The following RPS6KC1 variants were observed in gnomAD, a reference collection of about 807,000 sequenced individuals.
RPS6KC1 encodes the protein ribosomal protein S6 kinase C1, also known as inactive ribosomal protein S6 kinase delta-1.
In RPS6KC1, 54 loss-of-function variants were observed where a neutral mutation model predicts 103.8. The observed-to-expected ratio is 0.52, with a 90% confidence interval of 0.42 to 0.65. The LOEUF (loss-of-function observed/expected upper bound fraction) is 0.65. Among genes scored for constraint, RPS6KC1 ranks in the 30% least tolerant of loss-of-function variants. The pLI is 0.00. For missense variants in RPS6KC1, 1,151 were observed against 1,253.8 expected, an observed-to-expected ratio of 0.92 and a Z score of 1.24; for synonymous variants, 439 against 438.7, an observed-to-expected ratio of 1.00 and a Z score of -0.01.
At chr1:213,125,980 A>G (rs2084947935) in intron 5 of RPS6KC1, 2 of 152,080 alleles carry the variant, frequency 1.3e-5, no homozygotes, top group Non-Finnish European at 2.9e-5. Context: ...ATGAAACAGA[A>G]CAATGTGATA....
the RPS6KC1 span, among the ~76,000 whole-genome samples, chr1:213,857,448 A>G: frequency 6.6e-6 from 1 of 152,200 alleles, no homozygotes; most frequent in African/African-American, 2.4e-5. Flanking sequence ...TCTCAGGGGC[A>G]GCCTTTACTC....
the RPS6KC1 span, among the ~76,000 whole-genome samples, chr1:213,723,030 A>G: frequency 1.1e-3 from 170 of 152,250 alleles, no homozygotes; most frequent in African/African-American, 3.6e-3. Context: ...AATACAAAAA[A>G]TTAGCCAGGC....
At chr1:213,820,283 A>G in the RPS6KC1 span, 1 of 152,222 alleles carries the variant, frequency 6.6e-6, no homozygotes, top group Non-Finnish European at 1.5e-5. Flanking sequence ...CTGCCTTCTT[A>G]TTAGGGAAAG....
At chr1:213,644,860 A>C in the RPS6KC1 span, among the ~76,000 whole-genome samples, 1 of 152,188 alleles carries the variant, frequency 6.6e-6, no homozygotes, top group African/African-American at 2.4e-5. Context: ...CAGAGTTATC[A>C]AACCTTTTGA....
chr1:213,848,676 T>A, the RPS6KC1 span, among the ~76,000 whole-genome samples: 1 of 152,224 alleles, frequency 6.6e-6, no homozygotes, highest in Non-Finnish European at 1.5e-5. Flanking sequence ...TAGATTTGTA[T>A]AAAGTCAAAG....
At chr1:213,344,001 C>A in the RPS6KC1 span, among the ~76,000 whole-genome samples, 1 of 152,056 alleles carries the variant, frequency 6.6e-6, no homozygotes, top group Admixed American at 6.6e-5. Context: ...AGTGTGAGGT[C>A]TAAATAAAAG....
the RPS6KC1 span, among the ~76,000 whole-genome samples, chr1:213,763,920 T>C: frequency 1.3e-5 from 2 of 152,200 alleles, no homozygotes; most frequent in African/African-American, 2.4e-5. Context: ...GACATTTTGC[T>C]CTCCTTGCTG....
chr1:213,843,870 A>ATT, the RPS6KC1 span, among the ~76,000 whole-genome samples: 68 of 151,790 alleles, frequency 4.5e-4, 1 homozygote, highest in African/African-American at 1.6e-3. Context: ...TTTAAATATT[A>ATT]TTTTTTTATG....
intron 3 of RPS6KC1, among the ~76,000 whole-genome samples, chr1:213,094,554 T>C (rs937689548): frequency 1.3e-5 from 2 of 152,236 alleles, no homozygotes; most frequent in Non-Finnish European, 2.9e-5. Context: ...TTCTCATGAA[T>C]AGATCATTGT....
chr1:213,501,633 G>T, the RPS6KC1 span, among the ~76,000 whole-genome samples: 1 of 151,820 alleles, frequency 6.6e-6, no homozygotes, highest in Non-Finnish European at 1.5e-5. Context: ...TATTTGGGAG[G>T]CTGAGGCATG....
the RPS6KC1 span, among the ~76,000 whole-genome samples, chr1:213,610,008 G>T: frequency 2.6e-5 from 4 of 152,042 alleles, no homozygotes; most frequent in Admixed American, 2.6e-4. Flanking sequence ...ATACATACAT[G>T]AACTTTTTCA....
chr1:213,232,620 T>C (rs992142467), intron 10 of RPS6KC1, among the ~76,000 whole-genome samples: 12 of 152,210 alleles, frequency 7.9e-5, no homozygotes, highest in Non-Finnish European at 1.5e-4. Flanking sequence ...ATGACTAAAA[T>C]GAAAAGCATC....
the RPS6KC1 span, among the ~76,000 whole-genome samples, chr1:213,662,653 C>T: frequency 6.6e-6 from 1 of 152,078 alleles, no homozygotes; most frequent in Non-Finnish European, 1.5e-5. Flanking sequence ...CAAGATTCCC[C>T]ACCAAATAGA....
chr1:213,708,119 A>G, the RPS6KC1 span, among the ~76,000 whole-genome samples: 1 of 152,232 alleles, frequency 6.6e-6, no homozygotes, highest in African/African-American at 2.4e-5. Context: ...TGAATTTCTA[A>G]ATTACTTTGG....
the RPS6KC1 span, among the ~76,000 whole-genome samples, chr1:213,701,690 T>G: frequency 3.3e-5 from 5 of 152,076 alleles, no homozygotes; most frequent in African/African-American, 1.2e-4. Flanking sequence ...GTTTTGCAAT[T>G]TGTTAGCATA....
At chr1:213,186,787 G>T (rs2092550348) in intron 8 of RPS6KC1, among the ~76,000 whole-genome samples, 1 of 152,094 alleles carries the variant, frequency 6.6e-6, no homozygotes, top group Non-Finnish European at 1.5e-5. Flanking sequence ...TTCTGATCAT[G>T]TATTTTCAGA....
intron 4 of RPS6KC1, among the ~76,000 whole-genome samples, chr1:213,110,011 C>T (rs1445929726): frequency 1.3e-5 from 2 of 152,108 alleles, no homozygotes; most frequent in Non-Finnish European, 2.9e-5. Context: ...AGTTGATAGA[C>T]ATTCAGATTG....
At chr1:213,735,230 G>C in the RPS6KC1 span, among the ~76,000 whole-genome samples, 41,816 of 152,086 alleles carry the variant, frequency 0.27, 6,468 homozygotes, top group African/African-American at 0.4. Flanking sequence ...TCTCCAACTG[G>C]AAACAGCCTG....
the RPS6KC1 span, among the ~76,000 whole-genome samples, chr1:213,759,914 T>G: frequency 2.0e-4 from 30 of 152,270 alleles, no homozygotes; most frequent in South Asian, 5.8e-3. Flanking sequence ...AAATTCAGTG[T>G]TTTTCCATTC....
Sources: allele counts gnomAD v4.1 joint callset (sites outside exome capture counted in the v4.1 genomes callset), GRCh38; gene constraint gnomAD v4.1.1; transcripts MANE v1.5; gene names NCBI Gene and HGNC (gene_info 2026-07-23, HGNC 2026-07-21).